Variants in VPS13B observed in about 807,000 individuals in gnomAD.
VPS13B encodes vacuolar protein sorting 13 homolog B.
A neutral mutation model predicts 426.4 loss-of-function variants in VPS13B; 285 were observed. That is an observed-to-expected ratio of 0.67 (90% CI 0.61 to 0.74). The LOEUF is 0.74. Among genes scored for constraint, VPS13B ranks in the 30% least tolerant of loss-of-function variants. The pLI is 0.00. For missense variants in VPS13B, 4,537 were observed against 4,782.6 expected, an observed-to-expected ratio of 0.95 and a Z score of 1.51; for synonymous variants, 1,676 against 1,676.4, an observed-to-expected ratio of 1.00 and a Z score of 0.01.
At chr8:99,530,875 C>T (rs1405020813) in intron 30 of VPS13B, among the ~76,000 whole-genome samples, 1 of 152,144 alleles carries the variant, frequency 6.6e-6, no homozygotes, top group Non-Finnish European at 1.5e-5. Flanking sequence ...CTGTCAGTTC[C>T]ATTGCTCATG....
intron 8 of VPS13B, among the ~76,000 whole-genome samples, chr8:99,126,835 T>C (rs1381267478): frequency 6.6e-6 from 1 of 152,238 alleles, no homozygotes; most frequent in African/African-American, 2.4e-5. Context: ...GGCTCATGCC[T>C]ATAATCCCAG....
chr8:99,612,976 G>A (rs1284893152), intron 33 of VPS13B, among the ~76,000 whole-genome samples: 2 of 152,156 alleles, frequency 1.3e-5, no homozygotes, highest in East Asian at 3.9e-4. Flanking sequence ...TCAAGGCCAA[G>A]CTTAAATGAT....
chr8:99,442,314 T>C, intron 22 of VPS13B, 87 bp from the exon 23 acceptor site: 1 of 1,117,166 alleles, frequency 9.0e-7, no homozygotes, highest in Non-Finnish European at 1.3e-6. Context: ...TTTACTTTTT[T>C]TGGTTGTTTA....
rs946104400 is a variant in VPS13B, at chr8:99,172,914, C to A, written c.2333+2751C>A. On this transcript the variant is annotated intron_variant, in intron 16 of 61. Transcript: ENST00000357162. ...ACTTTCTGGGCCAACCATTATTGGG[C>A]AGCTCTAAATTTCTTTCTTTTATTT... is the stretch of plus-strand genomic sequence containing the variant. 7.2e-5 allele frequency among the ~76,000 whole-genome samples: 11 copies of A among 152,206 alleles called. No individual in the cohort carries two copies. The South Asian group carries it at 8.3e-4, about 11-fold the overall frequency.
intron 19 of VPS13B, among the ~76,000 whole-genome samples, chr8:99,382,313 T>A (rs1304284563): frequency 6.6e-6 from 1 of 152,194 alleles, no homozygotes; most frequent in African/African-American, 2.4e-5. Flanking sequence ...ACTCAAGCTC[T>A]TTTTTCATTT....
chr8:99,207,003 A>C (rs1276525498), intron 17 of VPS13B, among the ~76,000 whole-genome samples: 1 of 152,184 alleles, frequency 6.6e-6, no homozygotes, highest in Non-Finnish European at 1.5e-5. Flanking sequence ...ACTACCAATT[A>C]GACCTCTTGA....
chr8:99,204,644 A>T (rs1252294091), intron 17 of VPS13B, among the ~76,000 whole-genome samples: 2 of 152,218 alleles, frequency 1.3e-5, no homozygotes, highest in African/African-American at 2.4e-5. Context: ...ATCTACAAGG[A>T]ACTTAAACAC....
chr8:99,492,383 A>G (rs183766046), intron 25 of VPS13B, among the ~76,000 whole-genome samples: 29 of 152,204 alleles, frequency 1.9e-4, no homozygotes, highest in African/African-American at 7.0e-4. Context: ...TGCTGAGAGA[A>G]CCACCACTCT....
chr8:99,072,553 G>GT (rs1406860826), intron 3 of VPS13B, among the ~76,000 whole-genome samples: 1 of 152,090 alleles, frequency 6.6e-6, no homozygotes, highest in Non-Finnish European at 1.5e-5. Flanking sequence ...AGCCAGGGGT[G>GT]CGGGGCCGAG....
At chr8:99,530,831 C>G (rs536475267) in intron 30 of VPS13B, among the ~76,000 whole-genome samples, 1 of 152,078 alleles carries the variant, frequency 6.6e-6, no homozygotes, top group Non-Finnish European at 1.5e-5. Flanking sequence ...AGTAGCTTCT[C>G]CTAGGCCACA....
intron 55 of VPS13B, among the ~76,000 whole-genome samples, 173 bp from the exon 56 acceptor site, chr8:99,853,278 G>C (rs975807532): frequency 6.6e-6 from 1 of 152,152 alleles, no homozygotes; most frequent in African/African-American, 2.4e-5. Flanking sequence ...CTGTTGGAGT[G>C]TGACTGACTC....
rs1376275045 is a variant in VPS13B, at chr8:99,819,568, G to C, written c.8778G>C (p.Lys2926Asn). 1 of 1,613,284 alleles carries C rather than the reference G, an allele frequency of 6.2e-7. No individual in the cohort carries two copies. The highest frequency in any genetic ancestry group is 1.7e-5 in the Admixed American group (1 of 59,928). Residue 2926 changes from lysine (K) to asparagine (N), a missense_variant, in exon 48 of 62, where the codon AAG (lysine) becomes AAC (asparagine). By Grantham distance (94) the Lys-to-Asn change is moderately conservative (BLOSUM62 0). Coordinates refer to ENST00000357162, the MANE Select transcript of VPS13B (RefSeq NM_152564.5). ...TTCAACCCATATGGCCCTATAATAA[G>C]AAGGATTCTGACAGGTAATATTCTT... ...KSLQPIWPYNKKDSDRNEQLS... is the reference protein window; with the variant it reads ...KSLQPIWPYNNKDSDRNEQLS...
intron 17 of VPS13B, among the ~76,000 whole-genome samples, chr8:99,207,546 G>T (rs913848086): frequency 1.3e-5 from 2 of 152,046 alleles, no homozygotes; most frequent in African/African-American, 4.8e-5. Context: ...GCAATTCTTT[G>T]AATTATTATT....
chr8:99,239,858 A>G (rs1588165689), intron 17 of VPS13B, among the ~76,000 whole-genome samples: 1 of 152,112 alleles, frequency 6.6e-6, no homozygotes, highest in East Asian at 1.9e-4. Context: ...AATAATTATA[A>G]AGGTTTCACT....
chr8:99,359,384 G>A (rs886274722), intron 19 of VPS13B, among the ~76,000 whole-genome samples: 3 of 152,032 alleles, frequency 2.0e-5, no homozygotes, highest in South Asian at 4.2e-4. Flanking sequence ...AGCAAAATGT[G>A]TCATTATATT....
chr8:99,840,163 A>G (rs1027674240), intron 54 of VPS13B, among the ~76,000 whole-genome samples: 8 of 152,254 alleles, frequency 5.3e-5, no homozygotes, highest in African/African-American at 1.9e-4. Context: ...TGGTCTAACC[A>G]GCTATTAACT....
At chr8:99,015,101 A>G (rs1440679738) in intron 2 of VPS13B, among the ~76,000 whole-genome samples, 3 of 152,018 alleles carry the variant, frequency 2.0e-5, no homozygotes, top group Non-Finnish European at 4.4e-5. Flanking sequence ...CTAAGAAATA[A>G]TACTCCTGGC....
At chr8:99,797,829 G>A (rs1347427379) in intron 43 of VPS13B, among the ~76,000 whole-genome samples, 2 of 152,100 alleles carry the variant, frequency 1.3e-5, no homozygotes, top group Non-Finnish European at 2.9e-5. Flanking sequence ...AAAGTATATA[G>A]TGTAATCACT....
At chr8:99,754,755 G>A (rs1810556849) in intron 39 of VPS13B, among the ~76,000 whole-genome samples, 1 of 152,072 alleles carries the variant, frequency 6.6e-6, no homozygotes, top group Non-Finnish European at 1.5e-5. Flanking sequence ...CATTGTATAA[G>A]TGCAGTATAT....
Sources: allele counts gnomAD v4.1 joint callset (sites outside exome capture counted in the v4.1 genomes callset), GRCh38; gene constraint gnomAD v4.1.1; transcripts MANE v1.5; gene names NCBI Gene and HGNC (gene_info 2026-07-23, HGNC 2026-07-21).